The following CDH18 variants were observed in gnomAD, a reference collection of about 807,000 sequenced individuals.
CDH18 encodes the protein cadherin 18, also known as cadherin-18.
A neutral mutation model predicts 67.9 loss-of-function variants in CDH18; 31 were observed. That is an observed-to-expected ratio of 0.46 (90% CI 0.34 to 0.62). The LOEUF is 0.62. CDH18 is among the 20% of genes least tolerant of loss of function. The pLI, the probability that CDH18 is intolerant of heterozygous loss-of-function variation, is 0.01. For synonymous variants in CDH18, 362 were observed against 347.2 expected (o/e 1.04, Z -0.48); for missense variants, 890 against 975.5 (o/e 0.91, Z 1.17).
At chr5:20,109,550 C>A (rs1386016706) in intron 2 of CDH18, among the ~76,000 whole-genome samples, 5 of 152,224 alleles carry the variant, frequency 3.3e-5, no homozygotes, top group African/African-American at 1.2e-4. Context: ...CAGCCAGTGT[C>A]TAACTGACTT....
rs1227002065 is a variant in CDH18 at position 20,484,696 on chromosome 5, TAAAAAG to T, written c.-580+90760_-580+90765del. On this transcript the variant is annotated intron_variant, in intron 1 of 14. Coordinates refer to the CDH18 transcript ENST00000507958. ...AAAGGCACAAAAAGACAAACTGACA[TAAAAAG>T]AAAAGTTCCAGATGTTCTCAATTAT... 2.0e-4 allele frequency among the ~76,000 whole-genome samples: 30 copies of T among 151,964 alleles called. No individual in the cohort carries two copies. In the East Asian group the frequency reaches 5.6e-3, roughly 28 times the overall value.
At chr5:20,147,499 GTAAA>G (rs1750744012) in intron 2 of CDH18, among the ~76,000 whole-genome samples, 1 of 152,158 alleles carries the variant, frequency 6.6e-6, no homozygotes, top group Admixed American at 6.5e-5. Context: ...TTTAATTTCT[GTAAA>G]TAGTTTTTTC....
At chr5:19,621,216 GTTTT>G (rs3062881) in intron 5 of CDH18, among the ~76,000 whole-genome samples, 1 of 140,418 alleles carries the variant, frequency 7.1e-6, no homozygotes. Flanking sequence ...AAGAACCCAG[GTTTT>G]TTTTTTTTTT....
rs35700546 is a variant in CDH18 at position 20,548,441 on chromosome 5, G to GTA, written c.-580+27020_-580+27021insTA. Among the ~76,000 whole-genome samples, 60 of 146,840 alleles carry GTA rather than the reference G, an allele frequency of 4.1e-4. No homozygotes were observed. In the East Asian group the frequency reaches 0.01, roughly 25 times the overall value. Reference sequence around the variant, plus strand: ...TTGTCAGGTAATAGAGAACATGTTTGTGTGTGTGTGTGTGTGTGTGTGTGT... The same window carrying GTA: ...TTGTCAGGTAATAGAGAACATGTTTGTATGTGTGTGTGTGTGTGTGTGTGTGT... On this transcript the variant is annotated intron_variant, in intron 1 of 14. Coordinates refer to the CDH18 transcript ENST00000507958.
At chr5:19,887,335 G>A (rs564270087) in intron 2 of CDH18, among the ~76,000 whole-genome samples, 1 of 151,806 alleles carries the variant, frequency 6.6e-6, no homozygotes, top group East Asian at 1.9e-4. Flanking sequence ...TAACCGCATT[G>A]CCTAATATAT....
At chr5:20,122,308 C>T (rs1748425169) in intron 2 of CDH18, among the ~76,000 whole-genome samples, 1 of 152,070 alleles carries the variant, frequency 6.6e-6, no homozygotes, top group African/African-American at 2.4e-5. Context: ...CTTTACTTTG[C>T]CCTGCTGTTT....
chr5:20,392,354 T>C lies in CDH18; in HGVS notation c.-579-136849A>G, dbSNP rs552518204. ...AAGAGAAATTATAGAAAAAAACTAT[T>C]CATTTTTATGTTTAAATGATTATAT... On this transcript the variant is annotated intron_variant, in intron 1 of 14. Transcript: ENST00000507958. Among the ~76,000 whole-genome samples, 265 of 152,016 alleles carry C rather than the reference T, an allele frequency of 1.7e-3. 1 individual carries two copies. The highest frequency in any genetic ancestry group is 5.8e-3 in the African/African-American group (243 of 41,566).
chr5:20,521,505 G>A (rs920086699), intron 1 of CDH18, among the ~76,000 whole-genome samples: 1 of 152,120 alleles, frequency 6.6e-6, no homozygotes, highest in African/African-American at 2.4e-5. Flanking sequence ...ATAAAGTGGT[G>A]TTTAAATGAG....
chr5:20,352,237 G>A (rs1266319919), intron 1 of CDH18, among the ~76,000 whole-genome samples: 2 of 152,116 alleles, frequency 1.3e-5, no homozygotes, highest in Non-Finnish European at 2.9e-5. Context: ...ATGTGAAGAC[G>A]AAGAGAATGG....
chr5:20,435,257 A>G (rs1749084073), intron 1 of CDH18, among the ~76,000 whole-genome samples: 1 of 152,014 alleles, frequency 6.6e-6, no homozygotes, highest in South Asian at 2.1e-4. Flanking sequence ...ATTTCATTCA[A>G]CTGTTCTGGG....
intron 6 of CDH18, among the ~76,000 whole-genome samples, chr5:19,609,237 C>G (rs562781570): frequency 6.6e-6 from 1 of 152,028 alleles, no homozygotes; most frequent in East Asian, 1.9e-4. Context: ...AGTAGAATTT[C>G]AAGCCATAGA....
At chr5:19,962,003 T>C (rs1057230543) in intron 2 of CDH18, among the ~76,000 whole-genome samples, 1 of 152,000 alleles carries the variant, frequency 6.6e-6, no homozygotes, top group Non-Finnish European at 1.5e-5. Flanking sequence ...GTAGATATTA[T>C]AAATATTCTG....
At chr5:20,174,778 C>T (rs10065623) in intron 2 of CDH18, among the ~76,000 whole-genome samples, 106,001 of 151,998 alleles carry the variant, frequency 0.7, 37,596 homozygotes, top group African/African-American at 0.84. Flanking sequence ...ATGATGAAAA[C>T]ATGCATGGAT....
At chr5:20,226,366 G>A (rs940902244) in intron 2 of CDH18, among the ~76,000 whole-genome samples, 1 of 152,028 alleles carries the variant, frequency 6.6e-6, no homozygotes, top group African/African-American at 2.4e-5. Flanking sequence ...AAGTGATACT[G>A]GGTGATTATT....
intron 1 of CDH18, among the ~76,000 whole-genome samples, chr5:20,382,495 G>C (rs943098679): frequency 1.3e-5 from 2 of 152,092 alleles, no homozygotes; most frequent in Non-Finnish European, 1.5e-5. Context: ...CACTGTAGCT[G>C]TTAGGTAATG....
At chr5:19,652,964 C>T (rs1755791048) in intron 5 of CDH18, among the ~76,000 whole-genome samples, 1 of 152,042 alleles carries the variant, frequency 6.6e-6, no homozygotes, top group Non-Finnish European at 1.5e-5. Context: ...AGCTGGTTTA[C>T]TGAATTACCT....
At chr5:20,139,569 C>T (rs1177727353) in intron 2 of CDH18, among the ~76,000 whole-genome samples, 1 of 152,148 alleles carries the variant, frequency 6.6e-6, no homozygotes, top group African/African-American at 2.4e-5. Flanking sequence ...ATCTACCCAT[C>T]TGACAAAGGG....
At chr5:20,047,032 G>T (rs911408421) in intron 2 of CDH18, among the ~76,000 whole-genome samples, 1 of 151,860 alleles carries the variant, frequency 6.6e-6, no homozygotes, top group East Asian at 1.9e-4. Flanking sequence ...AAAGAAACAC[G>T]AGAGAGTAGA....
intron 5 of CDH18, among the ~76,000 whole-genome samples, chr5:19,666,063 A>G (rs1274116903): frequency 6.6e-6 from 1 of 151,652 alleles, no homozygotes; most frequent in Non-Finnish European, 1.5e-5. Context: ...TCAGTATTTT[A>G]CAGAAAATAA....
Sources: gnomAD v4.1 joint callset for allele counts (sites outside exome capture counted in the v4.1 genomes callset) on GRCh38, gnomAD v4.1.1 for gene constraint, MANE v1.5 for transcripts, NCBI Gene and HGNC (gene_info 2026-07-23, HGNC 2026-07-21) for gene names.